Variants in SHISA9 observed in about 807,000 individuals in gnomAD.
SHISA9 encodes protein shisa-9.
SHISA9 carries 13 observed loss-of-function variants against 38.0 expected under a neutral mutation model. The ratio of observed to expected loss-of-function variants is 0.34; its 90% confidence interval spans 0.22 to 0.54. The LOEUF (loss-of-function observed/expected upper bound fraction) is 0.54, where lower values mean the gene tolerates loss of function less well. Ranked by LOEUF, SHISA9 falls within the 20% of genes least tolerant of loss-of-function variation. The pLI is 0.91. For missense variants in SHISA9, 538 were observed against 575.8 expected (o/e 0.93, Z 0.67); for synonymous variants, 275 against 242.0 (o/e 1.14, Z -1.27).
At chr16:13,314,695 T>A in the SHISA9 span, among the ~76,000 whole-genome samples, 3 of 152,206 alleles carry the variant, frequency 2.0e-5, no homozygotes, top group Admixed American at 6.5e-5. Context: ...ATCCATCATA[T>A]CAGTTCCAAA....
At chr16:13,200,440 ACAGCAG>A (rs771736127) in intron 2 of SHISA9, among the ~76,000 whole-genome samples, 9 of 150,032 alleles carry the variant, frequency 6.0e-5, no homozygotes, top group Non-Finnish European at 7.4e-5. Flanking sequence ...ACACACACAC[ACAGCAG>A]CAGCAGCAGC....
At chr16:13,219,037 C>G (rs897971233) in intron 4 of SHISA9, among the ~76,000 whole-genome samples, 1 of 152,174 alleles carries the variant, frequency 6.6e-6, no homozygotes. Context: ...TAATAAAAAT[C>G]AAATCCTACT....
chr16:13,174,767 G>A (rs2050717109), intron 2 of SHISA9, among the ~76,000 whole-genome samples: 1 of 152,174 alleles, frequency 6.6e-6, no homozygotes, highest in Non-Finnish European at 1.5e-5. Flanking sequence ...GGACCAGGGA[G>A]GCCTGTGGGA....
intron 3 of SHISA9, among the ~76,000 whole-genome samples, chr16:13,206,811 A>T (rs1298476939): frequency 6.6e-6 from 1 of 152,156 alleles, no homozygotes; most frequent in East Asian, 1.9e-4. Context: ...CTTCTATTCC[A>T]TATTGCCTGT....
the SHISA9 span, among the ~76,000 whole-genome samples, chr16:13,391,573 C>T: frequency 2.0e-5 from 3 of 152,254 alleles, no homozygotes; most frequent in Middle Eastern, 3.4e-3. Flanking sequence ...GGGGGAGTTC[C>T]AAGCCAGTGG....
intron 2 of SHISA9, among the ~76,000 whole-genome samples, chr16:13,025,452 A>G (rs1433731029): frequency 6.6e-6 from 1 of 152,174 alleles, no homozygotes; most frequent in Non-Finnish European, 1.5e-5. Flanking sequence ...ACTTTGGAGG[A>G]ACTCCTGGAT....
At chr16:13,454,979 C>G in the SHISA9 span, among the ~76,000 whole-genome samples, 1 of 151,604 alleles carries the variant, frequency 6.6e-6, no homozygotes, top group Non-Finnish European at 1.5e-5. Context: ...GCCAATCTCA[C>G]TATTGCAATC....
intron 2 of SHISA9, among the ~76,000 whole-genome samples, chr16:12,978,868 G>T (rs1036517784): frequency 1.3e-5 from 2 of 152,232 alleles, no homozygotes; most frequent in Non-Finnish European, 2.9e-5. Context: ...AGTAGTAATT[G>T]TAGAATCTAG....
At chr16:13,473,349 C>CTTTCTTT in the SHISA9 span, among the ~76,000 whole-genome samples, 1 of 73,906 alleles carries the variant, frequency 1.4e-5, no homozygotes, top group South Asian at 5.8e-4. Flanking sequence ...TTCTTTCTTT[C>CTTTCTTT]TTTTTTTTTT....
the SHISA9 span, among the ~76,000 whole-genome samples, chr16:13,308,402 C>T: frequency 6.6e-5 from 10 of 152,186 alleles, no homozygotes; most frequent in African/African-American, 2.2e-4. Flanking sequence ...TGGTCTTTCT[C>T]TGTCTCTCAT....
chr16:13,019,816 CTTTCTTTCTTTCTTTCTTTT>C (rs1324460197), intron 2 of SHISA9, among the ~76,000 whole-genome samples: 22 of 138,458 alleles, frequency 1.6e-4, no homozygotes, highest in Admixed American at 2.9e-4. Flanking sequence ...TTCTTTCTTT[CTTTCTTTCTTTCTTTCTTTT>C]TCCTTCCTTC....
intron 2 of SHISA9, chr16:13,082,543 C>G (rs1438411081): frequency 6.6e-6 from 1 of 152,174 alleles, no homozygotes; most frequent in Non-Finnish European, 1.5e-5. Context: ...CCGGCATTCT[C>G]TCTCTTTCTC....
chr16:12,952,221 T>C (rs1157869368), intron 2 of SHISA9, among the ~76,000 whole-genome samples: 1 of 152,228 alleles, frequency 6.6e-6, no homozygotes, highest in African/African-American at 2.4e-5. Context: ...CAAGGTGGAA[T>C]TGCTTCATCA....
intron 2 of SHISA9, among the ~76,000 whole-genome samples, chr16:12,951,854 A>G (rs2071761844): frequency 6.6e-6 from 1 of 152,204 alleles, no homozygotes; most frequent in Non-Finnish European, 1.5e-5. Context: ...GGAGTATGAA[A>G]CACTCCTGCC....
At chr16:13,137,630 A>G (rs1159196719) in intron 2 of SHISA9, among the ~76,000 whole-genome samples, 1 of 151,852 alleles carries the variant, frequency 6.6e-6, no homozygotes, top group African/African-American at 2.4e-5. Flanking sequence ...TAATTTTTGT[A>G]TTTTTAGTAG....
intron 2 of SHISA9, among the ~76,000 whole-genome samples, chr16:12,984,878 A>G (rs1175143172): frequency 1.3e-5 from 2 of 152,280 alleles, no homozygotes; most frequent in Non-Finnish European, 2.9e-5. Flanking sequence ...GGGTGCAGGC[A>G]TAGAAGAGCC....
chr16:13,300,732 G>A, the SHISA9 span, among the ~76,000 whole-genome samples: 20 of 152,202 alleles, frequency 1.3e-4, no homozygotes, highest in Non-Finnish European at 1.9e-4. Flanking sequence ...AAGCCAAGGA[G>A]AAATCATTCA....
chr16:13,128,082 C>T (rs377011608), intron 2 of SHISA9, among the ~76,000 whole-genome samples: 3 of 152,118 alleles, frequency 2.0e-5, no homozygotes, highest in Admixed American at 6.5e-5. Flanking sequence ...GATGCCCAGA[C>T]GGAGTTTAAA....
chr16:13,126,581 AAGAG>A (rs149414908), intron 2 of SHISA9, among the ~76,000 whole-genome samples: 114 of 128,434 alleles, frequency 8.9e-4, no homozygotes, highest in African/African-American at 3.1e-3. Context: ...GAAAGGGGGA[AAGAG>A]AGAGAGAAAG....
Sources: allele counts gnomAD v4.1 joint callset (sites outside exome capture counted in the v4.1 genomes callset), GRCh38; gene constraint gnomAD v4.1.1; transcripts MANE v1.5; gene names NCBI Gene and HGNC (gene_info 2026-07-23, HGNC 2026-07-21).